The following CYP2A7 variants were observed in gnomAD, a reference collection of about 807,000 sequenced individuals.
CYP2A7 encodes cytochrome P450 family 2 subfamily A member 7.
Under a neutral mutation model 42.0 loss-of-function variants are expected in CYP2A7, and 36 were observed. The ratio of observed to expected loss-of-function variants is 0.86; its 90% CI spans 0.66 to 1.13. The LOEUF is 1.13. CYP2A7 is among the 50% of genes most tolerant of loss of function. The probability of loss-of-function intolerance (pLI) is 0.00; values close to 1 mark genes in which losing one functional copy is unlikely to be tolerated. For synonymous variants in CYP2A7, 260 were observed against 249.5 expected, an observed-to-expected ratio of 1.04 and a Z score of -0.40; for missense variants, 661 against 634.1, an observed-to-expected ratio of 1.04 and a Z score of -0.46.
At position 40,880,606 on chromosome 19, in the gene CYP2A7, C is replaced by T. The variant is rs543437097; in HGVS notation, c.366G>A (p.Glu122=). 962 of 1,575,714 alleles carry T rather than the reference C, an allele frequency of 6.1e-4. 84 individuals carry two copies. Among genetic ancestry groups the T allele is most frequent in the Non-Finnish European group, 4.0e-4 (456 of 1,152,650 alleles). ...KGYGVAFSNG[E]RAKQLLRFAI... ...CAAAGCGCAGGAGCTGCTTGGCGCGCTCCCCGTTGCTGAACGCCACGCCTG... is the reference window on the plus strand; with the variant it reads ...CAAAGCGCAGGAGCTGCTTGGCGCGTTCCCCGTTGCTGAACGCCACGCCTG... The change falls in exon 3 of 9, where the codon GAG becomes GAA. Residue 122 remains glutamate, a synonymous_variant. Coordinates refer to ENST00000301146, the MANE Select transcript of CYP2A7 (RefSeq NM_000764.3).
At chr19:40,876,363 G>A (rs1212310560) in intron 8 of CYP2A7, 164 bp downstream of exon 8, 1 of 1,161,712 alleles carries the variant, frequency 8.6e-7, no homozygotes, top group African/African-American at 1.5e-5. Context: ...GCAGGTACTG[G>A]GTGCTTGGTA....
intron 2 of CYP2A7, 69 bp from the exon 3 acceptor site, chr19:40,880,697 G>A: frequency 6.5e-7 from 1 of 1,535,904 alleles, no homozygotes; most frequent in South Asian, 1.2e-5. Flanking sequence ...CCAGTTCCAA[G>A]GGGCTCCCCA....
At position 40,879,642 on chromosome 19, in the gene CYP2A7, T is replaced by G. The variant is rs1300585838; in HGVS notation, c.654+442A>C. Among the ~76,000 whole-genome samples, 31 of 151,504 alleles carry G rather than the reference T, an allele frequency of 2.0e-4. No individual in the cohort carries two copies. The Admixed American group carries it at 2.0e-3, about 10-fold the overall frequency. ...AAGTAGAGGGCGCTTGGCCAGATAT[T>G]CCAGTGGGCTAATCTGGGACATTTG... On this transcript the variant is annotated intron_variant, in intron 4 of 8. Coordinates refer to ENST00000301146, the MANE Select transcript of CYP2A7 (RefSeq NM_000764.3).
chr19:40,878,447 G>T (rs1372752261), intron 5 of CYP2A7, among the ~76,000 whole-genome samples: 1 of 151,694 alleles, frequency 6.6e-6, no homozygotes, highest in Non-Finnish European at 1.5e-5. Context: ...GTGCAGTGCC[G>T]TGATCTTGGC....
At chr19:40,879,127 G>A (rs1338785606) in intron 4 of CYP2A7, among the ~76,000 whole-genome samples, 191 bp from the exon 5 acceptor site, 1 of 151,896 alleles carries the variant, frequency 6.6e-6, no homozygotes, top group Non-Finnish European at 1.5e-5. Flanking sequence ...CAGGGCCACG[G>A]TCTAGTAATT....
Position 40,880,595 on chromosome 19 carries a change from T to A in CYP2A7, c.377A>T (p.Gln126Leu), listed in dbSNP as rs1234906593. 2.5e-6 allele frequency: 4 copies of A among 1,593,382 alleles called. No individual in the cohort carries two copies. The highest frequency in any genetic ancestry group is 3.4e-6 in the Non-Finnish European group (4 of 1,165,812). ...GGTGGCGATGGCAAAGCGCAGGAGC[T>A]GCTTGGCGCGCTCCCCGTTGCTGAA... is the stretch of plus-strand genomic sequence containing the variant. ...VAFSNGERAK[Q>L]LLRFAIATLR... is the part of the protein sequence containing the mutation. Residue 126 changes from glutamine (Q) to leucine (L), a missense_variant, in exon 3 of 9, where the codon CAG (glutamine) becomes CTG (leucine). Physicochemically the swap from Gln to Leu is moderately radical, Grantham distance 113. This residue lies in a region of CYP2A7 where 614 missense variants were observed against 552.4 expected (regional missense o/e 1.11). Transcript: ENST00000301146.
rs929547101 is a variant in CYP2A7 at position 40,880,687 on chromosome 19, C to G, written c.344-59G>C. ...AGGGGGCGGCGGTGGCAGGAGCGGA[C>G]CAGTTCCAAGGGGCTCCCCAAGGGT... On this transcript the variant is annotated intron_variant, in intron 2 of 8. Coordinates refer to ENST00000301146, the MANE Select transcript of CYP2A7 (RefSeq NM_000764.3). 3.9e-5 allele frequency: 60 copies of G among 1,557,666 alleles called. 1 individual carries two copies. The highest frequency in any genetic ancestry group is 1.6e-4 in the African/African-American group (12 of 73,130).
intron 7 of CYP2A7, 106 bp downstream of exon 7, chr19:40,877,084 T>G: frequency 7.6e-7 from 1 of 1,313,552 alleles, no homozygotes; most frequent in Non-Finnish European, 1.1e-6. Context: ...TTTGACTGAT[T>G]GAGGGAGTGG....
Position 40,878,664 on chromosome 19 carries a change from A to G in CYP2A7, c.831+96T>C, listed in dbSNP as rs144617542. The stretch of plus-strand genomic sequence containing the variant: ...TGTGAGGATTATTATGATGAGGGCT[A>G]ATTTGAACGGGTCTGTGTCGTCTGC... On this transcript the variant is annotated intron_variant, in intron 5 of 8. Coordinates refer to ENST00000301146, the MANE Select transcript of CYP2A7 (RefSeq NM_000764.3). The G allele has an allele frequency of 1.0e-4, 153 of 1,511,082 alleles. No individual in the cohort carries two copies. In the East Asian group the frequency reaches 3.5e-3, roughly 34 times the overall value. The allele number at this position is 1,511,082 out of a possible 1,614,324, so 93.6% of individuals were successfully genotyped here. A position where few individuals can be genotyped will look rare whatever the true frequency, so the allele number is the denominator to read the frequency against.
At chr19:40,879,961 G>A (rs1180858636) in intron 4 of CYP2A7, 123 bp downstream of exon 4, 8 of 1,487,956 alleles carry the variant, frequency 5.4e-6, no homozygotes, top group South Asian at 2.5e-5. Context: ...GTCCAATATC[G>A]GGGGCTGATT....
intron 2 of CYP2A7, 36 bp downstream of exon 2, chr19:40,881,553 G>T (rs187665825): frequency 1.9e-6 from 3 of 1,600,882 alleles, no homozygotes; most frequent in South Asian, 2.2e-5. Flanking sequence ...CATCGTGTCC[G>T]CCTGGCCACC....
At position 40,876,642 on chromosome 19, in the gene CYP2A7, G is replaced by A. The variant is rs772953058; in HGVS notation, c.1188C>T (p.Gly396=). 9.3e-6 allele frequency: 15 copies of A among 1,612,738 alleles called. No individual in the cohort carries two copies. Among genetic ancestry groups the A allele is most frequent in the East Asian group, 8.9e-5 (4 of 44,884 alleles). The change falls in exon 8 of 9, where the codon GGC becomes GGT. Residue 396 remains glycine, a synonymous_variant. Coordinates refer to ENST00000301146, the MANE Select transcript of CYP2A7 (RefSeq NM_000764.3). ...PKGTEVFPML[G]SVLRDPSFFS... ...AGAAGCTGGGGTCTCTCAGCACGGAGCCCAGCATAGGGAACACTTCGGTGC... is the reference window on the plus strand; with the variant it reads ...AGAAGCTGGGGTCTCTCAGCACGGAACCCAGCATAGGGAACACTTCGGTGC...
At chr19:40,878,253 C>T (rs3882550) in intron 5 of CYP2A7, among the ~76,000 whole-genome samples, 2 of 151,398 alleles carry the variant, frequency 1.3e-5, no homozygotes, top group Non-Finnish European at 3.0e-5. Context: ...TTTTTTCTTA[C>T]ACTGACTTGG....
chr19:40,876,055 A>G (rs1413460845), intron 8 of CYP2A7, among the ~76,000 whole-genome samples, 181 bp from the exon 9 acceptor site: 1 of 151,856 alleles, frequency 6.6e-6, no homozygotes, highest in African/African-American at 2.4e-5. Context: ...GAGATGTAAC[A>G]ATGGTGAACC....
At chr19:40,880,041 A>G (rs753212638) in intron 4 of CYP2A7, 43 bp downstream of exon 4, 9 of 1,604,250 alleles carry the variant, frequency 5.6e-6, no homozygotes, top group Middle Eastern at 1.7e-4. Context: ...AGCAGTTGGC[A>G]GGTTGTGGTA....
In CYP2A7 at chr19:40,880,234, G is replaced by C. The variant is rs775078619; in HGVS notation, c.504C>G (p.Ile168Met). 9.3e-6 allele frequency: 15 copies of C among 1,612,590 alleles called. No homozygotes were observed. Among genetic ancestry groups the C allele is most frequent in the Admixed American group, 3.3e-5 (2 of 59,872 alleles). Residue 168 changes from isoleucine (I) to methionine (M), a missense_variant, in exon 4 of 9, where the codon ATC becomes ATG. This residue lies in a region of CYP2A7 where 614 missense variants were observed against 552.4 expected (regional missense o/e 1.11). Coordinates refer to ENST00000301146, the MANE Select transcript of CYP2A7 (RefSeq NM_000764.3). ...EAIRSTHGANIDPTFFLSRTV... is the reference protein window; with the variant it reads ...EAIRSTHGANMDPTFFLSRTV... ...TGCGGCTCAGGAAGAAGGTGGGATC[G>C]ATATTGGCGCCTGCGGGTGTGGAGG...
Position 40,875,734 on chromosome 19 carries a change from T to A in CYP2A7, c.1444A>T (p.Thr482Ser). The A allele has an allele frequency of 6.2e-7, 1 of 1,609,240 alleles. No homozygotes were observed. Among genetic ancestry groups the A allele is most frequent in the Non-Finnish European group, 8.5e-7 (1 of 1,176,782 alleles). ...DVSPKHVVFA[T>S]IPRNYTMSFL... ...CTCATGGTGTAGTTTCGTGGGATCG[T>A]GGCAAAGACCACGTGTTTGGGGGAC... Residue 482 changes from threonine to serine, a missense_variant, in exon 9 of 9, where the codon ACG becomes TCG. By Grantham distance (58) the Thr-to-Ser change is moderately conservative. Coordinates refer to ENST00000301146, the MANE Select transcript of CYP2A7 (RefSeq NM_000764.3).
chr19:40,876,788 T>C, intron 7 of CYP2A7, 120 bp from the exon 8 acceptor site: 5 of 1,367,420 alleles, frequency 3.7e-6, no homozygotes, highest in Non-Finnish European at 4.0e-6. Flanking sequence ...CATGGAGGAG[T>C]TGGGGTCCTG....
chr19:40,876,868 A>T, intron 7 of CYP2A7, 200 bp from the exon 8 acceptor site: 1 of 771,754 alleles, frequency 1.3e-6, no homozygotes. Context: ...CATGGGGTCC[A>T]TGTCTTGCTA....
Sources: gnomAD v4.1 joint callset for allele counts (sites outside exome capture counted in the v4.1 genomes callset) on GRCh38, gnomAD v4.1.1 for gene constraint, gnomAD v4.1.1 regional missense constraint, MANE v1.5 for transcripts, NCBI Gene and HGNC (gene_info 2026-07-23, HGNC 2026-07-21) for gene names.